Variants in SPOCK1 observed in about 807,000 individuals in gnomAD.
SPOCK1 encodes SPARC (osteonectin), cwcv and kazal like domains proteoglycan 1, also known as testican-1.
In SPOCK1, 23 loss-of-function variants were observed where a neutral mutation model predicts 55.3. The observed-to-expected ratio is 0.42, with a 90% CI of 0.30 to 0.59. The LOEUF (loss-of-function observed/expected upper bound fraction) is 0.59. SPOCK1 is among the 20% of genes least tolerant of loss of function. The pLI, the probability that SPOCK1 is intolerant of heterozygous loss-of-function variation, is 0.22. For missense variants in SPOCK1, 499 were observed against 552.5 expected, an observed-to-expected ratio of 0.90 and a Z score of 0.97; for synonymous variants, 226 against 221.0, an observed-to-expected ratio of 1.02 and a Z score of -0.20.
intron 3 of SPOCK1, among the ~76,000 whole-genome samples, chr5:137,250,523 C>T (rs1310436625): frequency 6.6e-6 from 1 of 152,162 alleles, no homozygotes; most frequent in East Asian, 1.9e-4. Flanking sequence ...TGAGTCCGTT[C>T]ATAGAAGTGG....
At chr5:137,066,221 C>T (rs906896353) in intron 6 of SPOCK1, among the ~76,000 whole-genome samples, 2 of 152,180 alleles carry the variant, frequency 1.3e-5, no homozygotes, top group Non-Finnish European at 2.9e-5. Context: ...TCACTGCAAC[C>T]TCCACCTCCC....
At chr5:137,221,573 T>G (rs1755848913) in intron 3 of SPOCK1, among the ~76,000 whole-genome samples, 1 of 152,210 alleles carries the variant, frequency 6.6e-6, no homozygotes. Flanking sequence ...TGAGATATTT[T>G]CAGTTTCAGT....
chr5:137,040,533 T>C (rs1320999911), intron 6 of SPOCK1, among the ~76,000 whole-genome samples: 1 of 152,200 alleles, frequency 6.6e-6, no homozygotes, highest in Non-Finnish European at 1.5e-5. Flanking sequence ...CGTTTAGCAA[T>C]ACCCAATTTG....
chr5:137,305,417 C>G (rs566313564), intron 2 of SPOCK1, among the ~76,000 whole-genome samples: 2 of 152,248 alleles, frequency 1.3e-5, no homozygotes, highest in Admixed American at 1.3e-4. Context: ...CTGTAAAGAC[C>G]TCATTTCCAA....
intron 9 of SPOCK1, among the ~76,000 whole-genome samples, chr5:136,983,899 T>TAAATGAGACATCTTATCACAG (rs1283789337): frequency 6.6e-6 from 1 of 152,160 alleles, no homozygotes; most frequent in Non-Finnish European, 1.5e-5. Flanking sequence ...TGCACTGGGG[T>TAAATGAGACATCTTATCACAG]AAATGAGACA....
chr5:137,008,055 C>T (rs960243498), intron 6 of SPOCK1, among the ~76,000 whole-genome samples: 5 of 147,400 alleles, frequency 3.4e-5, no homozygotes, highest in Non-Finnish European at 7.4e-5. Flanking sequence ...AACCAAACAC[C>T]GTATGTTCTC....
intron 5 of SPOCK1, among the ~76,000 whole-genome samples, chr5:137,099,269 T>A (rs1481282824): frequency 1.3e-5 from 2 of 152,176 alleles, no homozygotes; most frequent in African/African-American, 4.8e-5. Context: ...AATGTGCTGA[T>A]CTCTGGACAC....
chr5:137,356,164 T>C (rs779019897), intron 2 of SPOCK1, among the ~76,000 whole-genome samples: 2 of 152,158 alleles, frequency 1.3e-5, no homozygotes, highest in Non-Finnish European at 2.9e-5. Context: ...TCAGTGCAGG[T>C]TGGATTAGGC....
rs1003709792 is a variant in SPOCK1, at chr5:137,435,337, A to T, written c.186+63036T>A. 3.9e-5 allele frequency among the ~76,000 whole-genome samples: 6 copies of T among 152,218 alleles called. No individual in the cohort carries two copies. In the South Asian group the frequency reaches 1.0e-3, roughly 26 times the overall value. ...GTTAAAGTTCTAATAAGACCTGCCAAATTGATTTATCTAAAAGTTATACCA... is the reference window on the plus strand; with the variant it reads ...GTTAAAGTTCTAATAAGACCTGCCATATTGATTTATCTAAAAGTTATACCA... On this transcript the variant is annotated intron_variant, in intron 2 of 10. Transcript: ENST00000394945.
chr5:137,409,064 C>A (rs1257535243), intron 2 of SPOCK1, among the ~76,000 whole-genome samples: 1 of 152,142 alleles, frequency 6.6e-6, no homozygotes, highest in South Asian at 2.1e-4. Context: ...GGAAAGAAAT[C>A]CAAGTCTGAA....
intron 6 of SPOCK1, among the ~76,000 whole-genome samples, chr5:137,056,854 T>C (rs1486806534): frequency 6.6e-6 from 1 of 152,042 alleles, no homozygotes; most frequent in Non-Finnish European, 1.5e-5. Context: ...GTAACTACCT[T>C]CTTGAGACCC....
intron 2 of SPOCK1, among the ~76,000 whole-genome samples, chr5:137,388,654 A>C (rs1751647042): frequency 6.6e-6 from 1 of 152,074 alleles, no homozygotes; most frequent in South Asian, 2.1e-4. Flanking sequence ...GGACACTCTC[A>C]CCTTCCAGCT....
At chr5:137,303,941 C>T (rs934783635) in intron 2 of SPOCK1, among the ~76,000 whole-genome samples, 2 of 152,178 alleles carry the variant, frequency 1.3e-5, no homozygotes, top group Non-Finnish European at 2.9e-5. Flanking sequence ...TTTGGAAAGC[C>T]ATCCCCCTTA....
intron 2 of SPOCK1, among the ~76,000 whole-genome samples, chr5:137,375,131 T>C (rs750538650): frequency 6.6e-6 from 1 of 151,532 alleles, no homozygotes; most frequent in Non-Finnish European, 1.5e-5. Flanking sequence ...CATCAAAAGA[T>C]GGTTTTTGAT....
At chr5:137,056,274 A>G (rs1014081558) in intron 6 of SPOCK1, among the ~76,000 whole-genome samples, 9 of 152,078 alleles carry the variant, frequency 5.9e-5, no homozygotes, top group Middle Eastern at 3.4e-3. Context: ...GGGGTGGGGG[A>G]CAGGGGGTCT....
At chr5:137,070,016 T>C (rs1752581504) in intron 5 of SPOCK1, among the ~76,000 whole-genome samples, 1 of 152,130 alleles carries the variant, frequency 6.6e-6, no homozygotes, top group Non-Finnish European at 1.5e-5. Flanking sequence ...CAGCAGCACC[T>C]CCCTGTAGGA....
chr5:137,406,868 T>A (rs1278346172), intron 2 of SPOCK1, among the ~76,000 whole-genome samples: 1 of 152,224 alleles, frequency 6.6e-6, no homozygotes, highest in Non-Finnish European at 1.5e-5. Flanking sequence ...ACTCAATGAA[T>A]TATTCAAGCA....
At chr5:137,032,281 G>C (rs1751796284) in intron 6 of SPOCK1, among the ~76,000 whole-genome samples, 1 of 152,108 alleles carries the variant, frequency 6.6e-6, no homozygotes, top group Non-Finnish European at 1.5e-5. Context: ...ATCCCAGTAG[G>C]TTAGCGTGGC....
chr5:137,062,717 G>A (rs1752416858), intron 6 of SPOCK1, among the ~76,000 whole-genome samples: 1 of 128,554 alleles, frequency 7.8e-6, no homozygotes, highest in Non-Finnish European at 1.6e-5. Flanking sequence ...GAAACTGGGA[G>A]AGACCTTTCC....
Sources: allele counts gnomAD v4.1 joint callset (sites outside exome capture counted in the v4.1 genomes callset), GRCh38; gene constraint gnomAD v4.1.1; transcripts MANE v1.5; gene names NCBI Gene and HGNC (gene_info 2026-07-23, HGNC 2026-07-21).